Variants in YTHDF2 observed in about 807,000 individuals in gnomAD.
YTHDF2 encodes the protein YTH N6-methyladenosine RNA binding protein F2.
A neutral mutation model predicts 50.4 loss-of-function variants in YTHDF2; 2 were observed. The ratio of observed to expected loss-of-function variants is 0.04; its 90% CI spans 0.02 to 0.12. YTHDF2 has a LOEUF of 0.12. Ranked by LOEUF, YTHDF2 falls within the 10% of genes least tolerant of loss-of-function variation. The probability of loss-of-function intolerance (pLI) is 1.00; values close to 1 mark genes in which losing one functional copy is unlikely to be tolerated. For missense variants in YTHDF2, 483 were observed against 722.6 expected (o/e 0.67, Z 3.80); for synonymous variants, 217 against 255.6 (o/e 0.85, Z 1.44).
Position 28,743,815 on chromosome 1 carries a change from A to G in YTHDF2, c.1545A>G (p.Leu515=). The G allele has an allele frequency of 6.2e-7, 1 of 1,613,950 alleles. No homozygotes were observed. Among genetic ancestry groups the G allele is most frequent in the African/African-American group, 1.3e-5 (1 of 75,058 alleles). Residue 515 remains leucine (L), a synonymous_variant, in exon 4 of 5, where the codon CTA becomes CTG. Coordinates refer to ENST00000373812, the MANE Select transcript of YTHDF2 (RefSeq NM_016258.3). The surrounding 1 kb of genome is among the most constrained non-coding windows in gnomAD (Gnocchi z 6.9). ...ATAGCCAACTGCGACACATTCGCCTAGAGAACAACGAGAATAAACCAGTGA... is the reference window on the plus strand; with the variant it reads ...ATAGCCAACTGCGACACATTCGCCTGGAGAACAACGAGAATAAACCAGTGA... The part of the protein sequence containing the change: ...VPNSQLRHIR[L]ENNENKPVTN...
In YTHDF2 at chr1:28,742,479, T is replaced by G; in HGVS notation, c.209T>G (p.Leu70Trp). The change falls in exon 4 of 5, where the codon TTG becomes TGG. Residue 70 changes from leucine to tryptophan, a missense_variant. By Grantham distance (61) the Leu-to-Trp change is moderately conservative (BLOSUM62 -2). This residue lies in a region of YTHDF2 where 385 missense variants were observed against 475.8 expected (regional missense o/e 0.81). Coordinates refer to ENST00000373812, the MANE Select transcript of YTHDF2 (RefSeq NM_016258.3). Reference protein sequence around the residue: ...YSPSIGFSYSLGEAAWSTGGD... With the variant: ...YSPSIGFSYSWGEAAWSTGGD... Reference sequence around the variant, plus strand: ...CCCTCCATTGGCTTCTCCTATTCTTTGGGTGAAGCTGCTTGGTCTACGGGG... The same window carrying G: ...CCCTCCATTGGCTTCTCCTATTCTTGGGGTGAAGCTGCTTGGTCTACGGGG... 1 of 1,613,516 alleles carries G rather than the reference T, an allele frequency of 6.2e-7. No individual in the cohort carries two copies. Among genetic ancestry groups the G allele is most frequent in the Non-Finnish European group, 8.5e-7 (1 of 1,179,736 alleles).
intron 4 of YTHDF2, among the ~76,000 whole-genome samples, chr1:28,758,330 C>T (rs190701571): frequency 2.2e-4 from 33 of 152,268 alleles, no homozygotes; most frequent in Admixed American, 1.2e-3. Flanking sequence ...CATATTACTG[C>T]ACCCTAGTGT....
At chr1:28,740,348 G>A (rs188092703) in intron 3 of YTHDF2, 91 of 152,332 alleles carry the variant, frequency 6.0e-4, no homozygotes, top group African/African-American at 2.1e-3. Flanking sequence ...ACATTCAACT[G>A]TGTCTTGGCA....
intron 4 of YTHDF2, among the ~76,000 whole-genome samples, chr1:28,756,307 A>G (rs532521261): frequency 2.3e-4 from 35 of 152,276 alleles, no homozygotes; most frequent in Non-Finnish European, 4.4e-4. Flanking sequence ...CTATTTTTCC[A>G]TGCTTAAACA....
intron 4 of YTHDF2, among the ~76,000 whole-genome samples, chr1:28,754,413 C>G (rs1372642486): frequency 6.6e-6 from 1 of 151,958 alleles, no homozygotes; most frequent in Non-Finnish European, 1.5e-5. Context: ...GCCTGTAGTC[C>G]CAGCTACTCA....
At chr1:28,764,085 G>A (rs2088180867) in intron 4 of YTHDF2, among the ~76,000 whole-genome samples, 1 of 151,198 alleles carries the variant, frequency 6.6e-6, no homozygotes, top group East Asian at 1.9e-4. Flanking sequence ...TAGTAGCTGG[G>A]ATTACAGGCA....
chr1:28,737,433 T>A (rs953825848), intron 1 of YTHDF2: 5 of 650,512 alleles, frequency 7.7e-6, no homozygotes, highest in African/African-American at 1.9e-5. Context: ...AAGCCCTGGG[T>A]TCCTCGCGTC....
chr1:28,764,217 C>G (rs2088182688), intron 4 of YTHDF2, among the ~76,000 whole-genome samples: 1 of 151,694 alleles, frequency 6.6e-6, no homozygotes, highest in East Asian at 2.0e-4. Flanking sequence ...TCCCAAAGTG[C>G]TGGGATTACA....
At chr1:28,750,294 T>G (rs1231670707) in intron 4 of YTHDF2, among the ~76,000 whole-genome samples, 1 of 152,090 alleles carries the variant, frequency 6.6e-6, no homozygotes. Flanking sequence ...CAGCCCAAAT[T>G]TTTTTAAGAC....
intron 4 of YTHDF2, among the ~76,000 whole-genome samples, chr1:28,762,569 A>G (rs1002640579): frequency 6.6e-6 from 1 of 152,184 alleles, no homozygotes; most frequent in African/African-American, 2.4e-5. Flanking sequence ...CCAGATTTTA[A>G]TGTTAATAAA....
chr1:28,767,067 C>G (rs1224410768), intron 4 of YTHDF2, among the ~76,000 whole-genome samples: 1 of 149,038 alleles, frequency 6.7e-6, no homozygotes, highest in Non-Finnish European at 1.5e-5. Flanking sequence ...GTCTTGAACT[C>G]CTGGCCTCAA....
intron 4 of YTHDF2, among the ~76,000 whole-genome samples, chr1:28,768,428 C>G (rs1459475559): frequency 6.6e-6 from 1 of 151,424 alleles, no homozygotes; most frequent in Non-Finnish European, 1.5e-5. Context: ...TAAGGGCTTT[C>G]TATATGTCAG....
At chr1:28,737,240 A>G in intron 1 of YTHDF2, 93 bp downstream of exon 1, 1 of 1,450,032 alleles carries the variant, frequency 6.9e-7, no homozygotes, top group Non-Finnish European at 9.1e-7. Context: ...GGCCGAGCCG[A>G]GCCGAGGCGT....
intron 1 of YTHDF2, 83 bp from the exon 2 acceptor site, chr1:28,737,575 T>C: frequency 6.3e-7 from 1 of 1,594,974 alleles, no homozygotes; most frequent in Non-Finnish European, 8.6e-7. Context: ...TATTCTCCCT[T>C]CGGGCCCTGC....
chr1:28,745,139 A>T (rs2087839153), intron 4 of YTHDF2, among the ~76,000 whole-genome samples: 2 of 152,210 alleles, frequency 1.3e-5, no homozygotes, highest in Admixed American at 1.3e-4. Flanking sequence ...TAGGGATCTT[A>T]TACGTGATCT....
At chr1:28,739,712 T>C (rs896117828) in intron 3 of YTHDF2, among the ~76,000 whole-genome samples, 7 of 152,210 alleles carry the variant, frequency 4.6e-5, no homozygotes, top group South Asian at 2.1e-4. Flanking sequence ...AAATACTGTT[T>C]AGCACAAATG....
At chr1:28,764,479 T>C (rs1223606715) in intron 4 of YTHDF2, among the ~76,000 whole-genome samples, 1 of 151,274 alleles carries the variant, frequency 6.6e-6, no homozygotes, top group East Asian at 2.0e-4. Flanking sequence ...TTCACCATCT[T>C]GCCCAGGCTG....
intron 4 of YTHDF2, among the ~76,000 whole-genome samples, chr1:28,749,987 T>TG (rs1553144601): frequency 7.0e-4 from 2 of 2,874 alleles, no homozygotes; most frequent in African/African-American, 1.1e-3. Flanking sequence ...AAAAAGGTTG[T>TG]TTTTTTTTTT....
intron 4 of YTHDF2, among the ~76,000 whole-genome samples, chr1:28,753,074 T>A (rs1478077593): frequency 1.3e-5 from 2 of 151,904 alleles, no homozygotes; most frequent in Non-Finnish European, 2.9e-5. Context: ...GGAAATATTC[T>A]AATATTTGAA....
Sources: gnomAD v4.1 joint callset for allele counts (sites outside exome capture counted in the v4.1 genomes callset) on GRCh38, gnomAD v4.1.1 for gene constraint, gnomAD v4.1.1 regional missense constraint, Gnocchi (gnomAD v3.1) non-coding constraint, MANE v1.5 for transcripts, NCBI Gene and HGNC (gene_info 2026-07-23, HGNC 2026-07-21) for gene names.